ATAD5: variants seen among roughly 807,000 people sequenced by gnomAD.
ATAD5 encodes the protein ATPase family AAA domain-containing protein 5.
A neutral mutation model predicts 176.9 loss-of-function variants in ATAD5; 58 were observed. The ratio of observed to expected loss-of-function variants is 0.33; its 90% confidence interval spans 0.27 to 0.41. ATAD5 has a LOEUF of 0.41. Among genes scored for constraint, ATAD5 ranks in the 10% least tolerant of loss-of-function variants. ATAD5 has a pLI of 1.00. For missense variants in ATAD5, 1,789 were observed against 2,094.1 expected (o/e 0.85, Z 2.84); for synonymous variants, 640 against 712.6 (o/e 0.90, Z 1.62).
intron 6 of ATAD5, 40 bp from the exon 7 acceptor site, chr17:30,855,103 A>T: frequency 6.6e-7 from 1 of 1,505,568 alleles, no homozygotes; most frequent in Admixed American, 2.2e-5. Flanking sequence ...TTAAATGTTT[A>T]TAACCTTAGC....
At chr17:30,881,758 A>T (rs531226397) in intron 18 of ATAD5, among the ~76,000 whole-genome samples, 24 of 151,964 alleles carry the variant, frequency 1.6e-4, no homozygotes, top group East Asian at 5.8e-4. Context: ...ACAAAAAATT[A>T]AAAAAATTAG....
intron 19 of ATAD5, among the ~76,000 whole-genome samples, chr17:30,888,473 G>T (rs550810491): frequency 6.6e-6 from 1 of 152,202 alleles, no homozygotes; most frequent in African/African-American, 2.4e-5. Context: ...GAATCTGGGA[G>T]ATCGAGGCTG....
intron 5 of ATAD5, 78 bp from the exon 6 acceptor site, chr17:30,844,757 A>AAAAAG (rs1906380777): frequency 1.2e-6 from 1 of 865,088 alleles, no homozygotes; most frequent in Non-Finnish European, 1.7e-6. Flanking sequence ...CAAAAAAAAA[A>AAAAAG]AAAAAAAAAA....
rs372108903 is a variant in ATAD5, at chr17:30,842,804, C to T, written c.2242-1109C>T. Among the ~76,000 whole-genome samples the T allele has an allele frequency of 2.2e-4, 33 of 152,158 alleles. No homozygotes were observed. In the East Asian group the frequency reaches 2.9e-3, roughly 13 times the overall value. ...TTGTTGCCCAGGCTAGAGTTAATGG[C>T]GCGATCTCAGCTCACTGAAACCTCC... On this transcript the variant is annotated intron_variant, in intron 4 of 22. Coordinates refer to ENST00000321990, the MANE Select transcript of ATAD5 (RefSeq NM_024857.5).
chr17:30,840,714 C>T lies in ATAD5; in HGVS notation c.2174C>T (p.Ala725Val), dbSNP rs770341123. ...ISRSKVTEEI[A>V]IPLRRSSRHQ... ...AGGTCAAAGGTGACTGAAGAAATAGCGATACCCTTAAGGCGCTCCTCTAGA... is the reference window on the plus strand; with the variant it reads ...AGGTCAAAGGTGACTGAAGAAATAGTGATACCCTTAAGGCGCTCCTCTAGA... Residue 725 changes from alanine (A) to valine (V), a missense_variant, in exon 4 of 23, where the codon GCG (alanine) becomes GTG (valine). Ala to Val is a moderately conservative substitution (Grantham distance 64, BLOSUM62 0). Transcript: ENST00000321990. The T allele has an allele frequency of 6.8e-6, 11 of 1,609,028 alleles. No homozygotes were observed. Among genetic ancestry groups the T allele is most frequent in the East Asian group, 2.2e-5 (1 of 44,474 alleles).
chr17:30,889,282 C>T (rs1909495594), intron 19 of ATAD5, among the ~76,000 whole-genome samples: 2 of 150,326 alleles, frequency 1.3e-5, no homozygotes. Flanking sequence ...AAGCGATACT[C>T]CTGTCCTAGC....
intron 9 of ATAD5, 22 bp downstream of exon 9, chr17:30,858,345 T>G: frequency 7.2e-7 from 1 of 1,397,858 alleles, no homozygotes; most frequent in Non-Finnish European, 9.4e-7. Context: ...TTATTATCAT[T>G]TATGTTAACA....
Position 30,869,247 on chromosome 17 carries a change from G to T in ATAD5, c.3314-1G>T. 1 of 1,592,490 alleles carries T rather than the reference G, an allele frequency of 6.3e-7. No homozygotes were observed. Among genetic ancestry groups the T allele is most frequent in the Non-Finnish European group, 8.5e-7 (1 of 1,174,718 alleles). Reference sequence around the variant, plus strand: ...TTATATGCATTTGAATAATTTTTCAGATTTCTCGGGTGGCATAGACTTTAA... The same window carrying T: ...TTATATGCATTTGAATAATTTTTCATATTTCTCGGGTGGCATAGACTTTAA... On this transcript the variant is annotated splice_acceptor_variant, in intron 12 of 22. Coordinates refer to ENST00000321990, the MANE Select transcript of ATAD5 (RefSeq NM_024857.5). LOFTEE classifies it high-confidence loss of function.
chr17:30,878,752 GAC>G (rs1908837240), intron 17 of ATAD5, among the ~76,000 whole-genome samples: 1 of 47,740 alleles, frequency 2.1e-5, no homozygotes, highest in African/African-American at 1.1e-4. Context: ...TTTTTTTGGA[GAC>G]AGAGTCTCAC....
chr17:30,850,797 T>C (rs1285539718), intron 6 of ATAD5, among the ~76,000 whole-genome samples: 1 of 134,810 alleles, frequency 7.4e-6, no homozygotes, highest in African/African-American at 2.7e-5. Flanking sequence ...AAAAAATCAT[T>C]ATTTTAAAGA....
In ATAD5 at chr17:30,835,253, T is replaced by C; in HGVS notation, c.1172T>C (p.Val391Ala). The change falls in exon 2 of 23, where the codon GTG (valine) becomes GCG (alanine). Residue 391 changes from valine to alanine, a missense_variant. By Grantham distance (64) the Val-to-Ala change is moderately conservative. Coordinates refer to ENST00000321990, the MANE Select transcript of ATAD5 (RefSeq NM_024857.5). ...TTGGAAGCTGGAAGTTCTGAAGCTG[T>C]GAAACCAAAATGCACTCTAGAAGAA... Reference protein sequence around the residue: ...AVLEAGSSEAVKPKCTLEERQ... With the variant: ...AVLEAGSSEAAKPKCTLEERQ... 4.3e-6 allele frequency: 7 copies of C among 1,614,086 alleles called. No individual in the cohort carries two copies. The highest frequency in any genetic ancestry group is 5.1e-6 in the Non-Finnish European group (6 of 1,180,002).
At position 30,844,919 on chromosome 17, in the gene ATAD5, C is replaced by T; in HGVS notation, c.2450+3C>T. ...GTCCCTAGTTTTGATGAAAGCAGGT[C>T]AGTCCAATACAAATTTTTAAATGCC... On this transcript the variant is annotated splice_donor_region_variant and intron_variant, in intron 6 of 22. Coordinates refer to ENST00000321990, the MANE Select transcript of ATAD5 (RefSeq NM_024857.5). 1 of 1,578,166 alleles carries T rather than the reference C, an allele frequency of 6.3e-7. No homozygotes were observed. Among genetic ancestry groups the T allele is most frequent in the Non-Finnish European group, 8.5e-7 (1 of 1,169,804 alleles).
chr17:30,876,331 T>G, intron 14 of ATAD5, 43 bp from the exon 15 acceptor site: 1 of 1,521,842 alleles, frequency 6.6e-7, no homozygotes, highest in Non-Finnish European at 8.9e-7. Context: ...ACCTGTATGA[T>G]TTTTAGAATA....
chr17:30,862,339 C>CA lies in ATAD5; in HGVS notation c.3136+1736dup, dbSNP rs995651939. Among the ~76,000 whole-genome samples, 11 of 115,138 alleles carry CA rather than the reference C, an allele frequency of 9.6e-5. No individual in the cohort carries two copies. The South Asian group carries it at 1.2e-3, about 12-fold the overall frequency. 75.5% of individuals were successfully genotyped at this position (115,138 alleles called of 152,430 possible). On this transcript the variant is annotated intron_variant, in intron 10 of 22. Coordinates refer to ENST00000321990, the MANE Select transcript of ATAD5 (RefSeq NM_024857.5). ...ACAGAGCAAGACTCCGTCTAGGGGG[C>CA]AAAAAAAAAGGTAACAAAGTTGAAA...
In ATAD5 at chr17:30,894,029, A is replaced by G. The variant is rs1598005009; in HGVS notation, c.5176A>G (p.Lys1726Glu). 6.2e-7 allele frequency: 1 copy of G among 1,613,098 alleles called. No individual in the cohort carries two copies. The highest frequency in any genetic ancestry group is 8.5e-7 in the Non-Finnish European group (1 of 1,179,276). ...TACTAAATGTTCTTCTGCTATTTCA[A>G]AAGCATTGGAAACCTTGAATTCTTG... is the stretch of plus-strand genomic sequence containing the variant. ...SFTKCSSAIS[K>E]ALETLNSCKK... The change falls in exon 21 of 23, where the codon AAA (lysine) becomes GAA (glutamate). Residue 1726 changes from lysine to glutamate, a missense_variant. By Grantham distance (56) the Lys-to-Glu change is moderately conservative (BLOSUM62 1). This residue lies in a region of ATAD5 where 403 missense variants were observed against 495.1 expected (regional missense o/e 0.81). Transcript: ENST00000321990.
intron 1 of ATAD5, among the ~76,000 whole-genome samples, chr17:30,832,642 T>C (rs11651802): frequency 0.11 from 15,951 of 149,990 alleles, 953 homozygotes; most frequent in South Asian, 0.26. Context: ...TCACAGTAAA[T>C]TGGGGACTTA....
intron 18 of ATAD5, among the ~76,000 whole-genome samples, chr17:30,885,384 G>A (rs1454955842): frequency 6.6e-6 from 1 of 151,984 alleles, no homozygotes; most frequent in Non-Finnish European, 1.5e-5. Context: ...CATGTTATCT[G>A]CGAACAGAGA....
At chr17:30,846,632 A>C (rs1597960282) in intron 6 of ATAD5, among the ~76,000 whole-genome samples, 1 of 151,200 alleles carries the variant, frequency 6.6e-6, no homozygotes, top group Non-Finnish European at 1.5e-5. Flanking sequence ...CGATCTCTTG[A>C]CCTTGTGATC....
chr17:30,835,566 C>T lies in ATAD5; in HGVS notation c.1485C>T (p.Asn495=). The change falls in exon 2 of 23, where the codon AAC becomes AAT. Residue 495 remains asparagine (N), a synonymous_variant. Coordinates refer to ENST00000321990, the MANE Select transcript of ATAD5 (RefSeq NM_024857.5). ...TLDTGAIPGK[N]REGNTQKKET... The stretch of plus-strand genomic sequence containing the variant: ...ATACTGGGGCTATTCCAGGCAAAAA[C>T]AGAGAGGGAAACACTCAAAAGAAAG... 1 of 1,611,366 alleles carries T rather than the reference C, an allele frequency of 6.2e-7. No homozygotes were observed. The highest frequency in any genetic ancestry group is 8.5e-7 in the Non-Finnish European group (1 of 1,178,718).
Sources: gnomAD v4.1 joint callset for allele counts (sites outside exome capture counted in the v4.1 genomes callset) on GRCh38, gnomAD v4.1.1 for gene constraint, gnomAD v4.1.1 regional missense constraint, MANE v1.5 for transcripts, NCBI Gene and HGNC (gene_info 2026-07-23, HGNC 2026-07-21) for gene names.